Variants in FBXL5 observed in about 807,000 individuals in gnomAD.
The protein encoded by FBXL5 is F-box/LRR-repeat protein 5.
A neutral mutation model predicts 78.3 loss-of-function variants in FBXL5; 26 were observed. That is an observed-to-expected ratio of 0.33 (90% CI 0.24 to 0.46). FBXL5 has a LOEUF of 0.46. Among genes scored for constraint, FBXL5 ranks in the 20% least tolerant of loss-of-function variants. The probability of loss-of-function intolerance (pLI) is 1.00; values close to 1 mark genes in which losing one functional copy is unlikely to be tolerated. For missense variants in FBXL5, 710 were observed against 829.2 expected (o/e 0.86, Z 1.77); for synonymous variants, 295 against 282.5 (o/e 1.04, Z -0.45).
intron 9 of FBXL5, among the ~76,000 whole-genome samples, chr4:15,616,985 G>A (rs749062787): frequency 6.6e-6 from 1 of 152,202 alleles, no homozygotes; most frequent in Non-Finnish European, 1.5e-5. Context: ...AGATGCTGGC[G>A]AGGTTGTGGA....
rs915730024 is a variant in FBXL5 at position 15,641,383 on chromosome 4, C to G, written c.301-500G>C. ...CCTGCAACAGCAAGACCAACCCCAC[C>G]TCTTCTTCCTCCTCAGCCTACTCAA... On this transcript the variant is annotated intron_variant, in intron 2 of 10. Transcript: ENST00000341285. 8.7e-6 allele frequency: 3 copies of G among 345,634 alleles called. No homozygotes were observed. The East Asian group carries it at 2.4e-4, about 27-fold the overall frequency. 21.4% of individuals were successfully genotyped at this position (345,634 alleles called of 1,614,324 possible).
upstream of FBXL5, among the ~76,000 whole-genome samples, chr4:15,661,496 T>A (rs1717304053): frequency 6.6e-6 from 1 of 152,214 alleles, no homozygotes; most frequent in Non-Finnish European, 1.5e-5. Flanking sequence ...ATTTTCAGTG[T>A]TTGGGAACCT....
At chr4:15,667,677 CAATT>C (rs1324542833) in intron 1 of FBXL5, among the ~76,000 whole-genome samples, 3 of 152,082 alleles carry the variant, frequency 2.0e-5, no homozygotes, top group Admixed American at 6.5e-5. Context: ...TTATGAGAAG[CAATT>C]AATGATGAAG....
At position 15,615,197 on chromosome 4, in the gene FBXL5, C is replaced by T. The variant is rs535251704; in HGVS notation, c.1851-2783G>A. 2.2e-4 allele frequency among the ~76,000 whole-genome samples: 33 copies of T among 152,312 alleles called. No individual in the cohort carries two copies. The South Asian group carries it at 5.8e-3, about 27-fold the overall frequency. On this transcript the variant is annotated intron_variant, in intron 9 of 10. Transcript: ENST00000341285. The stretch of plus-strand genomic sequence containing the variant: ...CAGCCTGCCATGCCTGAGCCTCCCA[C>T]CCACTCCATGGGCTCCTGTGCCGCC...
At chr4:15,656,269 C>G, upstream of FBXL5, 1 of 456,212 alleles carries the variant, frequency 2.2e-6, no homozygotes, top group Non-Finnish European at 4.4e-6. Context: ...TCGCCTGGCC[C>G]TGGCCACAGA....
upstream of FBXL5, among the ~76,000 whole-genome samples, chr4:15,663,920 C>G (rs1007550438): frequency 6.6e-6 from 1 of 152,116 alleles, no homozygotes; most frequent in Non-Finnish European, 1.5e-5. Context: ...GTGCAAGTCA[C>G]CAATCTAAAG....
intron 10 of FBXL5, among the ~76,000 whole-genome samples, chr4:15,609,182 C>T (rs1185682515): frequency 2.6e-5 from 4 of 152,100 alleles, no homozygotes; most frequent in Non-Finnish European, 5.9e-5. Context: ...CACCAGCAAA[C>T]TTCCATCTCG....
intron 9 of FBXL5, among the ~76,000 whole-genome samples, chr4:15,616,239 T>C (rs899253106): frequency 6.6e-6 from 1 of 152,206 alleles, no homozygotes; most frequent in African/African-American, 2.4e-5. Flanking sequence ...GCGGCTTCAT[T>C]CTTGAAGTCA....
intron 5 of FBXL5, among the ~76,000 whole-genome samples, chr4:15,633,474 T>G (rs1273960789): frequency 2.6e-5 from 4 of 152,156 alleles, no homozygotes; most frequent in African/African-American, 9.7e-5. Flanking sequence ...CAGAAGTAGA[T>G]GGGAACAGAA....
chr4:15,611,379 G>C (rs1462518778), intron 10 of FBXL5, among the ~76,000 whole-genome samples: 2 of 151,956 alleles, frequency 1.3e-5, no homozygotes, highest in African/African-American at 4.8e-5. Flanking sequence ...TGATTTTCCT[G>C]TCATCTTAAG....
rs1221946843 is a variant in FBXL5, at chr4:15,624,594, G to A, written c.1850+658C>T. ...TCACCTTCAGCCCTTCTTTCCTCTA[G>A]GAGGTTAAAAAAAAAAAAAAAAGTC... On this transcript the variant is annotated intron_variant, in intron 9 of 10. Coordinates refer to ENST00000341285, the MANE Select transcript of FBXL5 (RefSeq NM_012161.4). Among the ~76,000 whole-genome samples the A allele has an allele frequency of 2.8e-5, 4 of 144,790 alleles. No homozygotes were observed. In the East Asian group the frequency reaches 5.9e-4, roughly 21 times the overall value. The allele number at this position is 144,790 out of a possible 152,430, so 95.0% of individuals were successfully genotyped here.
At chr4:15,606,613 G>A (rs996499767) in intron 10 of FBXL5, among the ~76,000 whole-genome samples, 1 of 152,196 alleles carries the variant, frequency 6.6e-6, no homozygotes, top group African/African-American at 2.4e-5. Context: ...GGCAAATGTG[G>A]AAAAGATTGT....
intron 2 of FBXL5, chr4:15,641,621 T>TA: frequency 2.2e-6 from 1 of 455,644 alleles, no homozygotes. Flanking sequence ...CAGTCAACAG[T>TA]AGTAGGCTGT....
chr4:15,612,064 T>C, intron 10 of FBXL5: 3 of 444,416 alleles, frequency 6.8e-6, no homozygotes, highest in Non-Finnish European at 1.2e-5. Context: ...ATTTAGAATA[T>C]ACATCTGCAA....
chr4:15,679,548 G>A (rs1577526079), intron 1 of FBXL5, among the ~76,000 whole-genome samples: 1 of 140,494 alleles, frequency 7.1e-6, no homozygotes, highest in Non-Finnish European at 1.5e-5. Flanking sequence ...TATGCTAAAG[G>A]TACAGTTCAG....
intron 5 of FBXL5, among the ~76,000 whole-genome samples, chr4:15,631,863 G>A (rs1162378608): frequency 6.6e-6 from 1 of 151,998 alleles, no homozygotes; most frequent in Non-Finnish European, 1.5e-5. Context: ...TCATTCTGTA[G>A]GTTGCCTGTT....
In FBXL5 at chr4:15,625,689, A is replaced by C; in HGVS notation, c.1413T>G (p.Ser471=). The C allele has an allele frequency of 6.2e-7, 1 of 1,614,238 alleles. No homozygotes were observed. The highest frequency in any genetic ancestry group is 8.5e-7 in the Non-Finnish European group (1 of 1,180,036). The change falls in exon 9 of 11, where the codon TCT becomes TCG. Residue 471 remains serine (S), a synonymous_variant. Coordinates refer to ENST00000341285, the MANE Select transcript of FBXL5 (RefSeq NM_012161.4). The part of the protein sequence containing the change: ...NEHPWTKPVS[S]ENFTSPYVWM... ...ACACATAAGGAGAAGTGAAATTCTC[A>C]GAAGAAACAGGCTTAGTCCAGGGGT...
At chr4:15,631,386 A>G (rs1397743031) in intron 5 of FBXL5, among the ~76,000 whole-genome samples, 3 of 152,210 alleles carry the variant, frequency 2.0e-5, no homozygotes, top group African/African-American at 4.8e-5. Flanking sequence ...GTATGTGCGC[A>G]TGTGTCTTTA....
intron 1 of FBXL5, among the ~76,000 whole-genome samples, chr4:15,665,850 AT>A (rs2148789472): frequency 6.6e-6 from 1 of 152,244 alleles, no homozygotes; most frequent in Admixed American, 6.5e-5. Context: ...GAATCCGATG[AT>A]TAGTGTACCT....
Sources: allele counts gnomAD v4.1 joint callset (sites outside exome capture counted in the v4.1 genomes callset), GRCh38; gene constraint gnomAD v4.1.1; transcripts MANE v1.5; gene names NCBI Gene and HGNC (gene_info 2026-07-23, HGNC 2026-07-21).